Variants in COBLL1 observed in about 807,000 individuals in gnomAD.
COBLL1 encodes cordon-bleu protein-like 1.
In COBLL1, 50 loss-of-function variants were observed where a neutral mutation model predicts 94.8. That is an observed-to-expected ratio of 0.53 (90% CI 0.42 to 0.67). The LOEUF (loss-of-function observed/expected upper bound fraction) is 0.67, where lower values mean the gene tolerates loss of function less well. Ranked by LOEUF, COBLL1 falls within the 30% of genes least tolerant of loss-of-function variation. The pLI is 0.00. For synonymous variants in COBLL1, 448 were observed against 473.8 expected, an observed-to-expected ratio of 0.95 and a Z score of 0.71; for missense variants, 1,362 against 1,348.7, an observed-to-expected ratio of 1.01 and a Z score of -0.15.
intron 13 of COBLL1, 33 bp from the exon 14 acceptor site, chr2:164,686,065 A>G (rs1426978720): frequency 1.6e-6 from 2 of 1,233,514 alleles, no homozygotes; most frequent in East Asian, 2.5e-5. Context: ...GCACCCATCA[A>G]TTTAAAATGG....
At chr2:164,700,072 A>C (rs900832503) in intron 10 of COBLL1, among the ~76,000 whole-genome samples, 1 of 152,120 alleles carries the variant, frequency 6.6e-6, no homozygotes, top group Admixed American at 6.6e-5. Context: ...ATAAAGCAGA[A>C]AGTACATTCT....
At chr2:164,720,967 C>T (rs1245480582) in intron 7 of COBLL1, among the ~76,000 whole-genome samples, 1 of 152,180 alleles carries the variant, frequency 6.6e-6, no homozygotes, top group African/African-American at 2.4e-5. Context: ...CTAAATTAGA[C>T]AAGAAAGTCT....
intron 13 of COBLL1, among the ~76,000 whole-genome samples, chr2:164,688,492 A>G (rs1007436876): frequency 6.6e-6 from 1 of 152,156 alleles, no homozygotes; most frequent in African/African-American, 2.4e-5. Context: ...TTACACTTAT[A>G]ATACAGATAC....
rs372478740 is a variant in COBLL1 at position 164,674,101 on chromosome 2, G to A, written n.127-8200C>T. 5.3e-5 allele frequency among the ~76,000 whole-genome samples: 8 copies of A among 151,610 alleles called. No individual in the cohort carries two copies. The South Asian group carries it at 6.3e-4, about 12-fold the overall frequency. On this transcript the variant is annotated intron_variant and non_coding_transcript_variant, in intron 1 of 2. Coordinates refer to the COBLL1 transcript ENST00000495084. Reference sequence around the variant, plus strand: ...TTTTCAGACAGAGGCTTGTTCTGTCGCCAGTCTGGAGTGCAGTGGCGTAAT... The same window carrying A: ...TTTTCAGACAGAGGCTTGTTCTGTCACCAGTCTGGAGTGCAGTGGCGTAAT...
intron 2 of COBLL1, among the ~76,000 whole-genome samples, chr2:164,838,742 T>C (rs1281962325): frequency 1.3e-5 from 2 of 152,218 alleles, no homozygotes; most frequent in Non-Finnish European, 2.9e-5. Flanking sequence ...AGAGGAATTC[T>C]TTCCAACAGT....
chr2:164,764,545 TG>T (rs745855840), intron 2 of COBLL1, among the ~76,000 whole-genome samples: 1 of 152,204 alleles, frequency 6.6e-6, no homozygotes, highest in Non-Finnish European at 1.5e-5. Flanking sequence ...CATGTAGTTA[TG>T]GTCTGAAAAT....
At chr2:164,728,465 C>T (rs185615891) in intron 4 of COBLL1, among the ~76,000 whole-genome samples, 5 of 152,124 alleles carry the variant, frequency 3.3e-5, no homozygotes, top group Admixed American at 2.0e-4. Context: ...AAACTAGCCT[C>T]ATATCTAGTA....
At chr2:164,668,684 T>C (rs183594667) in intron 1 of COBLL1, among the ~76,000 whole-genome samples, 10 of 152,352 alleles carry the variant, frequency 6.6e-5, no homozygotes, top group Admixed American at 3.3e-4. Flanking sequence ...TATGCCTGTA[T>C]ATTTAGTGCC....
intron 12 of COBLL1, among the ~76,000 whole-genome samples, chr2:164,693,794 G>A (rs953415725): frequency 6.6e-6 from 1 of 152,142 alleles, no homozygotes; most frequent in Non-Finnish European, 1.5e-5. Context: ...CTGAAGTTGA[G>A]TGTATATGAT....
At chr2:164,718,491 T>C (rs991848960) in intron 7 of COBLL1, among the ~76,000 whole-genome samples, 5 of 152,132 alleles carry the variant, frequency 3.3e-5, no homozygotes, top group Admixed American at 2.0e-4. Context: ...GGAAAAAAAA[T>C]ATTTAGCATG....
At chr2:164,797,881 C>T in intron 2 of COBLL1, among the ~76,000 whole-genome samples, 1 of 152,142 alleles carries the variant, frequency 6.6e-6, no homozygotes, top group South Asian at 2.1e-4. Flanking sequence ...TAAATATCTT[C>T]CGTTTTAGGG....
rs1684316809 is a variant in COBLL1 at position 164,702,194 on chromosome 2, T to C, written c.1226-1438A>G. 2.6e-5 allele frequency among the ~76,000 whole-genome samples: 4 copies of C among 152,262 alleles called. No individual in the cohort carries two copies. In the South Asian group the frequency reaches 8.3e-4, roughly 32 times the overall value. On this transcript the variant is annotated intron_variant, in intron 9 of 13. Transcript: ENST00000652658. ...GTACATATTTTGGCAAATGATGCTT[T>C]ATTATGATGTGAAATAGAAATAATG...
chr2:164,695,504 A>G lies in COBLL1; in HGVS notation c.1888T>C (p.Cys630Arg), dbSNP rs766016487. 1 of 1,613,850 alleles carries G rather than the reference A, an allele frequency of 6.2e-7. No individual in the cohort carries two copies. The highest frequency in any genetic ancestry group is 8.5e-7 in the Non-Finnish European group (1 of 1,179,920). ...ATGTTGTTATTTGAAGTTTGCACAC[A>G]TTCTTCAACTTTGGAGTCAGATAAA... ...HNLSDSKVEE[C>R]VQTSNNNIST... The change falls in exon 12 of 14, where the codon TGT (cysteine) becomes CGT (arginine). Residue 630 changes from cysteine (C) to arginine (R), a missense_variant. Coordinates refer to ENST00000652658, the MANE Select transcript of COBLL1 (RefSeq NM_001365672.2).
intron 13 of COBLL1, among the ~76,000 whole-genome samples, chr2:164,686,931 G>T (rs927099409): frequency 1.3e-5 from 2 of 152,192 alleles, no homozygotes; most frequent in Non-Finnish European, 2.9e-5. Flanking sequence ...GAGTAAATTG[G>T]TTAAAAGGAA....
chr2:164,822,174 G>C (rs2105364072), intron 2 of COBLL1, among the ~76,000 whole-genome samples: 1 of 152,318 alleles, frequency 6.6e-6, no homozygotes, highest in Non-Finnish European at 1.5e-5. Context: ...TTCAATGTCT[G>C]AGCCAAGATT....
chr2:164,795,134 C>T (rs1424950292), intron 2 of COBLL1, among the ~76,000 whole-genome samples: 1 of 151,932 alleles, frequency 6.6e-6, no homozygotes, highest in Non-Finnish European at 1.5e-5. Flanking sequence ...GGGAAACTAC[C>T]CTAAATGTCT....
intron 9 of COBLL1, among the ~76,000 whole-genome samples, chr2:164,701,579 T>A (rs1684260140): frequency 6.6e-6 from 1 of 152,214 alleles, no homozygotes; most frequent in African/African-American, 2.4e-5. Context: ...ACCTAGCTTT[T>A]TTTCCACTTA....
chr2:164,691,142 G>A (rs940090610), intron 13 of COBLL1, among the ~76,000 whole-genome samples: 4 of 152,092 alleles, frequency 2.6e-5, no homozygotes, highest in Non-Finnish European at 5.9e-5. Flanking sequence ...CCCAGACAGG[G>A]TGCCAAGTCC....
Position 164,692,203 on chromosome 2 carries a change from C to T in COBLL1, c.3300+18G>A, listed in dbSNP as rs1345284403. ...TGACAATAAACCCACTGTCACCCATCTGATAAAGAAGACTTACCCTTTTCA... is the reference window on the plus strand; with the variant it reads ...TGACAATAAACCCACTGTCACCCATTTGATAAAGAAGACTTACCCTTTTCA... On this transcript the variant is annotated intron_variant, in intron 13 of 13. Transcript: ENST00000652658. 4 of 1,565,184 alleles carry T rather than the reference C, an allele frequency of 2.6e-6. No homozygotes were observed. Among genetic ancestry groups the T allele is most frequent in the South Asian group, 2.4e-5 (2 of 82,762 alleles).
Sources: gnomAD v4.1 joint callset for allele counts (sites outside exome capture counted in the v4.1 genomes callset) on GRCh38, gnomAD v4.1.1 for gene constraint, MANE v1.5 for transcripts, NCBI Gene and HGNC (gene_info 2026-07-23, HGNC 2026-07-21) for gene names.